HS2ST1: variants seen among roughly 807,000 people sequenced by gnomAD.
HS2ST1 encodes heparan sulfate 2-O-sulfotransferase 1.
HS2ST1 carries 18 observed loss-of-function variants against 42.9 expected under a neutral mutation model. The ratio of observed to expected loss-of-function variants is 0.42; its 90% CI spans 0.29 to 0.62. The LOEUF is 0.62. HS2ST1 is among the 20% of genes least tolerant of loss of function. The pLI, the probability that HS2ST1 is intolerant of heterozygous loss-of-function variation, is 0.21. For missense variants in HS2ST1, 334 were observed against 433.8 expected, an observed-to-expected ratio of 0.77 and a Z score of 2.04; for synonymous variants, 146 against 152.9, an observed-to-expected ratio of 0.95 and a Z score of 0.33.
At chr1:87,062,856 G>T (rs1651150998) in intron 1 of HS2ST1, among the ~76,000 whole-genome samples, 1 of 151,974 alleles carries the variant, frequency 6.6e-6, no homozygotes, top group South Asian at 2.1e-4. Flanking sequence ...CTTCCTATTG[G>T]CTCCATGGTT....
At position 86,966,260 on chromosome 1, in the gene HS2ST1, G is replaced by T. The variant is rs140208108; in HGVS notation, c.124+51100G>T. On this transcript the variant is annotated intron_variant, in intron 1 of 6. Transcript: ENST00000370550. ...TATATGGAGAGGTTTCTGTTTTTTT[G>T]ATTGGACTCCTATTTGATGTACCCT... 3.8e-3 allele frequency among the ~76,000 whole-genome samples: 582 copies of T among 152,060 alleles called. 4 individuals are homozygous for T. The highest frequency in any genetic ancestry group is 0.02 in the Middle Eastern group (6 of 294).
chr1:87,076,348 A>C (rs1651542908), intron 2 of HS2ST1, among the ~76,000 whole-genome samples: 1 of 152,206 alleles, frequency 6.6e-6, no homozygotes, highest in Admixed American at 6.5e-5. Context: ...TATGAATGAC[A>C]ACTATTTGCT....
intron 1 of HS2ST1, among the ~76,000 whole-genome samples, chr1:86,929,183 T>C (rs1660484138): frequency 6.6e-6 from 1 of 151,932 alleles, no homozygotes; most frequent in Non-Finnish European, 1.5e-5. Flanking sequence ...ACAAACACTG[T>C]AGTTATAAAT....
At chr1:86,935,870 G>A (rs1051318586) in intron 1 of HS2ST1, among the ~76,000 whole-genome samples, 12 of 152,014 alleles carry the variant, frequency 7.9e-5, no homozygotes, top group African/African-American at 1.5e-4. Context: ...TGAAAGTTGC[G>A]CAGATAGTAC....
chr1:86,926,015 A>G (rs376238449), intron 1 of HS2ST1, among the ~76,000 whole-genome samples: 5 of 152,086 alleles, frequency 3.3e-5, no homozygotes, highest in South Asian at 2.1e-4. Context: ...TTTGGGACAT[A>G]CTTAAGTTAT....
chr1:87,045,933 T>G (rs540858927), intron 1 of HS2ST1: 33 of 706,014 alleles, frequency 4.7e-5, no homozygotes, highest in Non-Finnish European at 8.5e-5. Context: ...ACCTGATTGA[T>G]CTGGTTACTA....
chr1:86,931,235 A>C (rs1328190392), intron 1 of HS2ST1, among the ~76,000 whole-genome samples: 1 of 152,044 alleles, frequency 6.6e-6, no homozygotes, highest in Non-Finnish European at 1.5e-5. Context: ...GTTTAATTCT[A>C]CCTTGTCCTG....
At chr1:87,094,115 T>A (rs1652008963) in intron 4 of HS2ST1, among the ~76,000 whole-genome samples, 1 of 152,088 alleles carries the variant, frequency 6.6e-6, no homozygotes, top group African/African-American at 2.4e-5. Flanking sequence ...TTGTGCGCTT[T>A]CTTTTTATTT....
intron 1 of HS2ST1, among the ~76,000 whole-genome samples, chr1:87,051,224 T>G (rs925289464): frequency 6.6e-6 from 1 of 152,174 alleles, no homozygotes; most frequent in Non-Finnish European, 1.5e-5. Flanking sequence ...ACATGATTTT[T>G]TTTTTTCAGT....
chr1:87,074,077 G>C (rs1453156911), intron 2 of HS2ST1, among the ~76,000 whole-genome samples: 1 of 152,184 alleles, frequency 6.6e-6, no homozygotes, highest in Non-Finnish European at 1.5e-5. Flanking sequence ...ATTACATTGA[G>C]ACACAAGACT....
In HS2ST1 at chr1:87,104,668, A is replaced by T; in HGVS notation, c.1043A>T (p.Tyr348Phe). The change falls in exon 7 of 7, where the codon TAT becomes TTT. Residue 348 changes from tyrosine (Y) to phenylalanine (F), a missense_variant. Tyr to Phe is a conservative substitution (Grantham distance 22). Coordinates refer to ENST00000370550, the MANE Select transcript of HS2ST1 (RefSeq NM_012262.4). ...DLYILAQNFF[Y>F]EKIYPKSN ...TACATCCTCGCACAAAACTTTTTCT[A>T]TGAAAAGATTTACCCTAAGTCGAAC... 6.2e-7 allele frequency: 1 copy of T among 1,611,794 alleles called. No homozygotes were observed. Among genetic ancestry groups the T allele is most frequent in the Non-Finnish European group, 8.5e-7 (1 of 1,177,892 alleles).
At chr1:87,044,618 A>G (rs1401694684) in intron 1 of HS2ST1, among the ~76,000 whole-genome samples, 1 of 152,198 alleles carries the variant, frequency 6.6e-6, no homozygotes, top group African/African-American at 2.4e-5. Flanking sequence ...TAACCACAAT[A>G]TTTTGAAACT....
intron 1 of HS2ST1, among the ~76,000 whole-genome samples, chr1:87,033,643 A>T (rs189492468): frequency 2.9e-4 from 44 of 152,306 alleles, no homozygotes; most frequent in Middle Eastern, 3.4e-3. Context: ...TTCCGGGTTC[A>T]AGCAATTCTC....
chr1:86,921,968 A>G (rs955711688), intron 1 of HS2ST1, among the ~76,000 whole-genome samples: 2 of 152,134 alleles, frequency 1.3e-5, no homozygotes, highest in African/African-American at 4.8e-5. Context: ...CTAATTTCAC[A>G]ATCTCTTTTG....
chr1:87,061,369 A>G (rs1249034323), intron 1 of HS2ST1, among the ~76,000 whole-genome samples: 2 of 151,952 alleles, frequency 1.3e-5, no homozygotes, highest in Non-Finnish European at 2.9e-5. Flanking sequence ...TCCAAAGGAA[A>G]CCCCATCACC....
chr1:86,978,768 C>G (rs1215487521), intron 1 of HS2ST1, among the ~76,000 whole-genome samples: 1 of 151,188 alleles, frequency 6.6e-6, no homozygotes, highest in Admixed American at 6.6e-5. Flanking sequence ...AAAATAGATG[C>G]AGGACTGTAT....
At chr1:86,946,589 A>G (rs2102181295) in intron 1 of HS2ST1, among the ~76,000 whole-genome samples, 1 of 152,340 alleles carries the variant, frequency 6.6e-6, no homozygotes, top group East Asian at 1.9e-4. Context: ...TTTACAAAAT[A>G]CATATACCAA....
chr1:87,039,572 T>C (rs973414403), intron 1 of HS2ST1, among the ~76,000 whole-genome samples: 3 of 152,182 alleles, frequency 2.0e-5, no homozygotes, highest in African/African-American at 7.2e-5. Flanking sequence ...CTTAATGAAT[T>C]TCTGGATTTT....
chr1:87,079,166 C>T (rs570851540), intron 2 of HS2ST1, among the ~76,000 whole-genome samples: 4 of 150,104 alleles, frequency 2.7e-5, no homozygotes, highest in Admixed American at 1.3e-4. Context: ...CTTGCTCGGT[C>T]GCCCAGGCTG....
Sources: allele counts gnomAD v4.1 joint callset (sites outside exome capture counted in the v4.1 genomes callset), GRCh38; gene constraint gnomAD v4.1.1; transcripts MANE v1.5; gene names NCBI Gene and HGNC (gene_info 2026-07-23, HGNC 2026-07-21).